NUDCD1: variants seen among roughly 807,000 people sequenced by gnomAD.
The protein encoded by NUDCD1 is nudC domain-containing protein 1.
Under a neutral mutation model 67.8 loss-of-function variants are expected in NUDCD1, and 60 were observed. The observed-to-expected ratio is 0.88, with a 90% CI of 0.72 to 1.10. The LOEUF (loss-of-function observed/expected upper bound fraction) is 1.10, where lower values mean the gene tolerates loss of function less well. NUDCD1 is among the 50% of genes least tolerant of loss of function. The pLI, the probability that NUDCD1 is intolerant of heterozygous loss-of-function variation, is 0.00. For missense variants in NUDCD1, 643 were observed against 695.0 expected (o/e 0.93, Z 0.84); for synonymous variants, 244 against 230.8 (o/e 1.06, Z -0.52).
chr8:109,248,658 C>T (rs1248317067), intron 8 of NUDCD1, among the ~76,000 whole-genome samples: 1 of 150,192 alleles, frequency 6.7e-6, no homozygotes, highest in Admixed American at 6.6e-5. Flanking sequence ...TTTTAGTTCT[C>T]ACTTCCAGAA....
At chr8:109,315,753 C>T (rs1011127740) in intron 2 of NUDCD1, 7 of 152,066 alleles carry the variant, frequency 4.6e-5, no homozygotes, top group East Asian at 1.9e-4. Context: ...GTTAATCTGC[C>T]GTTTGTCAAC....
intron 8 of NUDCD1, among the ~76,000 whole-genome samples, chr8:109,250,194 T>G (rs1215633585): frequency 6.6e-6 from 1 of 152,160 alleles, no homozygotes; most frequent in Non-Finnish European, 1.5e-5. Context: ...AGAGACTATG[T>G]GATACTCATT....
At chr8:109,275,322 G>C (rs986815872) in intron 7 of NUDCD1, 30 bp downstream of exon 7, 2 of 1,594,370 alleles carry the variant, frequency 1.3e-6, no homozygotes, top group Admixed American at 3.6e-5. Flanking sequence ...TGGACCCTTG[G>C]AAAGTCACAC....
intron 2 of NUDCD1, among the ~76,000 whole-genome samples, chr8:109,312,677 G>C (rs1815286632): frequency 1.3e-5 from 2 of 152,306 alleles, no homozygotes; most frequent in Admixed American, 1.3e-4. Flanking sequence ...TATCAATAAA[G>C]TAGGTAAAGA....
rs1023232438 is a variant in NUDCD1 at position 109,242,889 on chromosome 8, A to G, written c.*120T>C. On this transcript the variant is annotated 3_prime_UTR_variant, in exon 10 of 10. Coordinates refer to ENST00000239690, the MANE Select transcript of NUDCD1 (RefSeq NM_032869.4). ...TATATTTCCAATGTTATTAAAAAAT[A>G]AAAAATCATACAAGATATATTTAGC... The G allele has an allele frequency of 5.4e-6, 3 of 559,876 alleles. No homozygotes were observed. The highest frequency in any genetic ancestry group is 9.2e-6 in the Non-Finnish European group (3 of 327,218). The allele number at this position is 559,876 out of a possible 1,614,324, so 34.7% of individuals were successfully genotyped here.
chr8:109,270,114 A>G (rs1376895388), intron 8 of NUDCD1, among the ~76,000 whole-genome samples: 1 of 141,114 alleles, frequency 7.1e-6, no homozygotes, highest in African/African-American at 2.8e-5. Flanking sequence ...ATATATGCAT[A>G]TATGGCACAC....
chr8:109,324,174 A>C (rs1815608759), intron 1 of NUDCD1, among the ~76,000 whole-genome samples: 1 of 151,930 alleles, frequency 6.6e-6, no homozygotes, highest in Admixed American at 6.6e-5. Flanking sequence ...TTCAATCGTA[A>C]GGAATGAAAA....
Position 109,251,406 on chromosome 8 carries a change from C to G in NUDCD1, c.1300-5925G>C, listed in dbSNP as rs543724472. ...CAGGCTGGTCTTGAACTCCTGACTT[C>G]GTGATCCACCCGCCTCAGCCTCCTA... On this transcript the variant is annotated intron_variant, in intron 8 of 9. Coordinates refer to ENST00000239690, the MANE Select transcript of NUDCD1 (RefSeq NM_032869.4). 4.6e-5 allele frequency among the ~76,000 whole-genome samples: 7 copies of G among 152,004 alleles called. No individual in the cohort carries two copies. The South Asian group carries it at 1.2e-3, about 27-fold the overall frequency.
intron 8 of NUDCD1, among the ~76,000 whole-genome samples, chr8:109,252,716 G>A (rs1367881363): frequency 2.6e-5 from 4 of 152,126 alleles, no homozygotes; most frequent in Non-Finnish European, 5.9e-5. Context: ...CAATGTTCAG[G>A]TGAACCAGTG....
intron 8 of NUDCD1, among the ~76,000 whole-genome samples, chr8:109,257,284 T>C (rs1241654188): frequency 1.3e-5 from 2 of 152,096 alleles, no homozygotes; most frequent in Admixed American, 1.3e-4. Flanking sequence ...AAAGAGATAA[T>C]TTATCGAAGT....
At chr8:109,304,823 T>C (rs1367350412) in intron 2 of NUDCD1, among the ~76,000 whole-genome samples, 2 of 152,138 alleles carry the variant, frequency 1.3e-5, no homozygotes, top group African/African-American at 4.8e-5. Context: ...CCAACTTCTG[T>C]CCCTCAGGGC....
In NUDCD1 at chr8:109,268,161, C is replaced by T. The variant is rs1216592760; in HGVS notation, c.1299+2844G>A. On this transcript the variant is annotated intron_variant, in intron 8 of 9. Coordinates refer to ENST00000239690, the MANE Select transcript of NUDCD1 (RefSeq NM_032869.4). The stretch of plus-strand genomic sequence containing the variant: ...CCACTCTTGATGTTTCCATCTACGA[C>T]ACTGAGAAGATCCACTGCTATAACA... Among the ~76,000 whole-genome samples the T allele has an allele frequency of 1.1e-4, 17 of 152,144 alleles. 1 individual carries two copies. The highest frequency in any genetic ancestry group is 4.4e-5 in the Non-Finnish European group (3 of 68,006).
chr8:109,262,581 C>T (rs946640209), intron 8 of NUDCD1, among the ~76,000 whole-genome samples: 4 of 152,156 alleles, frequency 2.6e-5, no homozygotes, highest in African/African-American at 9.7e-5. Flanking sequence ...TTATTCAGCT[C>T]AAACTATGGT....
At position 109,303,613 on chromosome 8, in the gene NUDCD1, G is replaced by A. The variant is rs552982756; in HGVS notation, c.274-7044C>T. 3.3e-5 allele frequency among the ~76,000 whole-genome samples: 5 copies of A among 151,306 alleles called. No homozygotes were observed. In the South Asian group the frequency reaches 1.0e-3, roughly 32 times the overall value. On this transcript the variant is annotated intron_variant, in intron 2 of 9. Transcript: ENST00000239690. ...TTATCTGCTTCCCTGACTATTCCTA[G>A]GCTACAGCCACCCCTCATTGCCACC...
Position 109,275,370 on chromosome 8 carries a change from A to G in NUDCD1, c.1155T>C (p.His385=). ...QCAAIAERLM[H]LTSEELNPNP... ...TACTTACCAGTTCTTCAGAGGTCAA[A>G]TGCATCAAACGTTCAGCTATTGCAG... is the stretch of plus-strand genomic sequence containing the variant. Residue 385 remains histidine (H), a synonymous_variant, in exon 7 of 10, where the codon CAT becomes CAC. Transcript: ENST00000239690. 8 of 1,613,390 alleles carry G rather than the reference A, an allele frequency of 5.0e-6. No individual in the cohort carries two copies. Among genetic ancestry groups the G allele is most frequent in the Non-Finnish European group, 6.8e-6 (8 of 1,179,570 alleles).
chr8:109,312,672 A>G (rs1465861118), intron 2 of NUDCD1, among the ~76,000 whole-genome samples: 2 of 152,236 alleles, frequency 1.3e-5, no homozygotes, highest in African/African-American at 4.8e-5. Flanking sequence ...TTGTTTATCA[A>G]TAAAGTAGGT....
intron 4 of NUDCD1, among the ~76,000 whole-genome samples, chr8:109,291,876 T>A (rs902101116): frequency 6.6e-6 from 1 of 152,020 alleles, no homozygotes; most frequent in East Asian, 1.9e-4. Flanking sequence ...CAGAACCAAG[T>A]GTCTTGGAGA....
intron 8 of NUDCD1, among the ~76,000 whole-genome samples, chr8:109,262,820 C>A (rs116632955): frequency 0.024 from 3,685 of 151,918 alleles, 140 homozygotes; most frequent in African/African-American, 0.084. Flanking sequence ...CTTTGGGAGA[C>A]CAAGGTGGGT....
At position 109,254,096 on chromosome 8, in the gene NUDCD1, T is replaced by C. The variant is rs141424081; in HGVS notation, c.1300-8615A>G. The stretch of plus-strand genomic sequence containing the variant: ...TGGTAGCCAAGAGCAAAACAGGAAA[T>C]AAGAAAGAGAAGGACTGTGGCTTTG... On this transcript the variant is annotated intron_variant, in intron 8 of 9. Transcript: ENST00000239690. Among the ~76,000 whole-genome samples, 1,112 of 152,110 alleles carry C rather than the reference T, an allele frequency of 7.3e-3. 20 individuals are homozygous for C. Among genetic ancestry groups the C allele is most frequent in the African/African-American group, 0.026 (1,074 of 41,520 alleles).
Sources: gnomAD v4.1 joint callset for allele counts (sites outside exome capture counted in the v4.1 genomes callset) on GRCh38, gnomAD v4.1.1 for gene constraint, MANE v1.5 for transcripts, NCBI Gene and HGNC (gene_info 2026-07-23, HGNC 2026-07-21) for gene names.